Variants in DGKA observed in about 807,000 individuals in gnomAD.
DGKA encodes the protein 80 kDa diacylglycerol kinase.
Under a neutral mutation model 105.0 loss-of-function variants are expected in DGKA, and 35 were observed. The observed-to-expected ratio is 0.33, with a 90% CI of 0.25 to 0.44. DGKA has a LOEUF of 0.44. Ranked by LOEUF, DGKA falls within the 20% of genes least tolerant of loss-of-function variation. The pLI is 1.00. For synonymous variants in DGKA, 296 were observed against 332.0 expected, an observed-to-expected ratio of 0.89 and a Z score of 1.18; for missense variants, 665 against 915.0, an observed-to-expected ratio of 0.73 and a Z score of 3.53.
upstream of DGKA, chr12:55,927,741 A>C: frequency 6.5e-7 from 1 of 1,539,848 alleles, no homozygotes; most frequent in Non-Finnish European, 8.7e-7. Context: ...CCGTAGCCGC[A>C]GGGCTGCCGG....
In DGKA at chr12:55,937,484, T is replaced by C; in HGVS notation, c.215T>C (p.Leu72Pro). ...EVDNVPRHLS[L>P]ALFQSFETGH... ...GATAATGTTCCCAGACACCTAAGCC[T>C]GGCACTGTTTCAATCCTTTGAGACT... The change falls in exon 4 of 24, where the codon CTG becomes CCG. Residue 72 changes from leucine to proline, a missense_variant. This residue lies in a region of DGKA where 504 missense variants were observed against 681.2 expected (regional missense o/e 0.74). Transcript: ENST00000331886. The C allele has an allele frequency of 6.2e-7, 1 of 1,614,210 alleles. No homozygotes were observed.
chr12:55,951,960 G>A (rs1279173295), intron 18 of DGKA, 75 bp from the exon 19 acceptor site: 3 of 1,571,032 alleles, frequency 1.9e-6, no homozygotes, highest in South Asian at 1.1e-5. Flanking sequence ...GAGCAGCATG[G>A]GGACTTGGGA....
chr12:55,951,654 C>T lies in DGKA; in HGVS notation c.1458C>T (p.Leu486=), dbSNP rs1238674646. Reference sequence around the variant, plus strand: ...AAGGACAGAATCTGGCAAAGATCCTCAAGGATTTAGAGATGAGTAAAGTGG... The same window carrying T: ...AAGGACAGAATCTGGCAAAGATCCTTAAGGATTTAGAGATGAGTAAAGTGG... ...GYEGQNLAKI[L]KDLEMSKVVH... Residue 486 remains leucine, a synonymous_variant, in exon 18 of 24, where the codon CTC becomes CTT. Transcript: ENST00000331886. The T allele has an allele frequency of 1.2e-6, 2 of 1,614,016 alleles. No homozygotes were observed. The highest frequency in any genetic ancestry group is 1.7e-6 in the Non-Finnish European group (2 of 1,179,994).
At chr12:55,941,930 C>T in intron 15 of DGKA, 68 bp from the exon 16 acceptor site, 1 of 1,513,170 alleles carries the variant, frequency 6.6e-7, no homozygotes, top group Non-Finnish European at 9.2e-7. Context: ...AAGCAATCTG[C>T]CTGCTCAGGA....
Position 55,936,455 on chromosome 12 carries a change from G to A in DGKA, c.-49G>A. On this transcript the variant is annotated 5_prime_UTR_variant, in exon 2 of 24. Transcript: ENST00000331886. The stretch of plus-strand genomic sequence containing the variant: ...CTCTGAAGAGGTCCAAGCAACGGAA[G>A]TACTACTACGAAGCTGCCTTTCTGG... The A allele has an allele frequency of 1.2e-6, 2 of 1,604,704 alleles. No homozygotes were observed. The highest frequency in any genetic ancestry group is 1.1e-5 in the South Asian group (1 of 90,058).
chr12:55,934,614 C>G (rs1884287787), intron 1 of DGKA, among the ~76,000 whole-genome samples: 3 of 152,198 alleles, frequency 2.0e-5, no homozygotes, highest in African/African-American at 7.2e-5. Context: ...ACCCAACAAG[C>G]CCTAAATGAG....
intron 17 of DGKA, among the ~76,000 whole-genome samples, chr12:55,945,434 G>A (rs530654087): frequency 3.9e-5 from 6 of 152,210 alleles, no homozygotes; most frequent in East Asian, 1.9e-4. Context: ...TGCTGCTGTC[G>A]CCAATTACCA....
At chr12:55,933,174 G>C (rs1209992492) in intron 1 of DGKA, among the ~76,000 whole-genome samples, 1 of 152,214 alleles carries the variant, frequency 6.6e-6, no homozygotes, top group Non-Finnish European at 1.5e-5. Flanking sequence ...AATGTACTAA[G>C]GATGGGTGTC....
At position 55,940,471 on chromosome 12, in the gene DGKA, C is replaced by T. The variant is rs766528551; in HGVS notation, c.918+38C>T. On this transcript the variant is annotated intron_variant, in intron 11 of 23. Transcript: ENST00000331886. This position sits in a 1 kb window ranked among gnomAD's most constrained non-coding sequence, Gnocchi z 4.3. ...GCCATCCCTTCTGGGTGCGTCTTAC[C>T]CCGCAGAGCTGCCTTCTCCACGGGC... 4 of 1,609,252 alleles carry T rather than the reference C, an allele frequency of 2.5e-6. No homozygotes were observed. Among genetic ancestry groups the T allele is most frequent in the Non-Finnish European group, 3.4e-6 (4 of 1,177,340 alleles).
Position 55,953,360 on chromosome 12 carries a change from A to T in DGKA, c.2074A>T (p.Thr692Ser). The change falls in exon 23 of 24, where the codon ACC (threonine) becomes TCC (serine). Residue 692 changes from threonine (T) to serine (S), a missense_variant. Physicochemically the swap from Thr to Ser is moderately conservative, Grantham distance 58. Around this residue, in one of 3 missense-constraint regions of DGKA, gnomAD observed 158 missense variants for 213.4 expected, o/e 0.74. Transcript: ENST00000331886. The stretch of plus-strand genomic sequence containing the variant: ...CTTGGCCTCCTATAGCACCACAAAA[A>T]CCCTTCCCATGCAAATTGACGGAGA... Reference protein sequence around the residue: ...CSEITFHTTKTLPMQIDGEPW... With the variant: ...CSEITFHTTKSLPMQIDGEPW... 6.2e-7 allele frequency: 1 copy of T among 1,613,660 alleles called. No individual in the cohort carries two copies. The highest frequency in any genetic ancestry group is 2.2e-5 in the East Asian group (1 of 44,880).
Position 55,939,277 on chromosome 12 carries a change from C to T in DGKA, c.566C>T (p.Pro189Leu), listed in dbSNP as rs201779377. The T allele has an allele frequency of 1.3e-5, 21 of 1,613,996 alleles. No individual in the cohort carries two copies. Among genetic ancestry groups the T allele is most frequent in the African/African-American group, 5.3e-5 (4 of 74,930 alleles). The change falls in exon 8 of 24, where the codon CCA becomes CTA. Residue 189 changes from proline to leucine, a missense_variant. Around this residue, in one of 3 missense-constraint regions of DGKA, gnomAD observed 504 missense variants for 681.2 expected, o/e 0.74. Transcript: ENST00000331886. ...GTCCGGGCTGGGGCCACCACCGTGC[C>T]ACTGCTAGTGCTGCTGGGTCTGGAG... ...EWVRAGATTV[P>L]LLVLLGLEMT...
upstream of DGKA, chr12:55,930,357 GTTTTTTTTTTTTTTTTT>G (rs1156510868): frequency 1.4e-5 from 1 of 71,790 alleles, no homozygotes; most frequent in African/African-American, 5.5e-5. Context: ...CAAGGGCCTT[GTTTTTTTTTTTTTTTTT>G]TTTTTTTTTT....
intron 22 of DGKA, 73 bp from the exon 23 acceptor site, chr12:55,953,277 A>G: frequency 1.2e-6 from 2 of 1,612,316 alleles, no homozygotes; most frequent in Middle Eastern, 1.7e-4. Context: ...AAAGGTCTCA[A>G]AGCCAACCTA....
chr12:55,937,689 A>G, intron 4 of DGKA, 146 bp downstream of exon 4: 1 of 1,087,808 alleles, frequency 9.2e-7, no homozygotes, highest in East Asian at 2.5e-5. Context: ...TAGGAGCTAA[A>G]GGGAGGAAAG....
chr12:55,945,952 C>T (rs1886906806), intron 17 of DGKA, among the ~76,000 whole-genome samples: 1 of 151,930 alleles, frequency 6.6e-6, no homozygotes, highest in African/African-American at 2.4e-5. Flanking sequence ...AACACACCGG[C>T]TAATTTTTGT....
At chr12:55,937,386 A>G (rs1351478925) in intron 3 of DGKA, 22 bp from the exon 4 acceptor site, 1 of 1,611,980 alleles carries the variant, frequency 6.2e-7, no homozygotes, top group Admixed American at 1.7e-5. Flanking sequence ...ACTCCCCAGG[A>G]TAATGCTCAC....
chr12:55,928,954 G>T (rs1465168042), upstream of DGKA, among the ~76,000 whole-genome samples: 2 of 151,772 alleles, frequency 1.3e-5, no homozygotes, highest in Non-Finnish European at 2.9e-5. Flanking sequence ...TCAGGAGTTC[G>T]AGACCAGCCA....
chr12:55,940,694 C>T lies in DGKA; in HGVS notation c.989C>T (p.Pro330Leu), dbSNP rs756869315. 5 of 1,608,322 alleles carry T rather than the reference C, an allele frequency of 3.1e-6. No homozygotes were observed. The change falls in exon 12 of 24, where the codon CCT (proline) becomes CTT (leucine). Residue 330 changes from proline (P) to leucine (L), a missense_variant. This residue lies in a region of DGKA where 504 missense variants were observed against 681.2 expected (regional missense o/e 0.74). Coordinates refer to ENST00000331886, the MANE Select transcript of DGKA (RefSeq NM_001345.5). The surrounding 1 kb of genome is among the most constrained non-coding windows in gnomAD (Gnocchi z 4.3). ...GGGCTGCTCCGGGATCACATCCTGC[C>T]TCCATCTTCCATCTATCCCAGTGTC... Reference protein sequence around the residue: ...DCGLLRDHILPPSSIYPSVLA... With the variant: ...DCGLLRDHILLPSSIYPSVLA...
At position 55,936,642 on chromosome 12, in the gene DGKA, C is replaced by A. The variant is rs777379577; in HGVS notation, c.64+75C>A. 10 of 1,596,526 alleles carry A rather than the reference C, an allele frequency of 6.3e-6. No individual in the cohort carries two copies. The African/African-American group carries it at 9.4e-5, about 15-fold the overall frequency. ...TCCCTCCTCCTCCTCATTACACCCC[C>A]TGCCCCCCAGCTTCCTCAGTGGCTT... On this transcript the variant is annotated intron_variant, in intron 2 of 23. Coordinates refer to ENST00000331886, the MANE Select transcript of DGKA (RefSeq NM_001345.5).
Sources: gnomAD v4.1 joint callset for allele counts (sites outside exome capture counted in the v4.1 genomes callset) on GRCh38, gnomAD v4.1.1 for gene constraint, gnomAD v4.1.1 regional missense constraint, Gnocchi (gnomAD v3.1) non-coding constraint, MANE v1.5 for transcripts, NCBI Gene and HGNC (gene_info 2026-07-23, HGNC 2026-07-21) for gene names.